Variants in NLGN1 observed in about 807,000 individuals in gnomAD.
NLGN1 encodes the protein neuroligin 1, also known as neuroligin-1.
A neutral mutation model predicts 65.5 loss-of-function variants in NLGN1; 12 were observed. That is an observed-to-expected ratio of 0.18 (90% confidence interval 0.12 to 0.30). NLGN1 has a LOEUF of 0.30. Among genes scored for constraint, NLGN1 ranks in the 10% least tolerant of loss-of-function variants. NLGN1 has a pLI of 1.00. For missense variants in NLGN1, 750 were observed against 1,007.1 expected (o/e 0.74, Z 3.46); for synonymous variants, 350 against 359.5 (o/e 0.97, Z 0.30).
At chr3:173,707,654 A>G (rs1310645003) in intron 3 of NLGN1, among the ~76,000 whole-genome samples, 1 of 152,170 alleles carries the variant, frequency 6.6e-6, no homozygotes, top group African/African-American at 2.4e-5. Context: ...AAATTTTGTG[A>G]CCATATGCAT....
At chr3:173,530,708 T>C (rs1406935500) in intron 2 of NLGN1, among the ~76,000 whole-genome samples, 1 of 152,210 alleles carries the variant, frequency 6.6e-6, no homozygotes, top group African/African-American at 2.4e-5. Flanking sequence ...TTCACCTTTC[T>C]ACTAAAAAAT....
chr3:174,267,028 A>G (rs1276376937), intron 4 of NLGN1, among the ~76,000 whole-genome samples: 2 of 152,150 alleles, frequency 1.3e-5, no homozygotes, highest in African/African-American at 2.4e-5. Context: ...TCTTCTAATA[A>G]TGATAATTTT....
chr3:174,193,235 A>C (rs944076783), intron 4 of NLGN1, among the ~76,000 whole-genome samples: 10 of 152,182 alleles, frequency 6.6e-5, no homozygotes, highest in African/African-American at 2.4e-4. Context: ...ATTGCTTACT[A>C]TTGAGCAGGA....
At chr3:173,869,728 C>T (rs1015075424) in intron 4 of NLGN1, among the ~76,000 whole-genome samples, 1 of 152,084 alleles carries the variant, frequency 6.6e-6, no homozygotes, top group Non-Finnish European at 1.5e-5. Context: ...GAAAGTATTT[C>T]CTTCAACTTC....
intron 3 of NLGN1, among the ~76,000 whole-genome samples, chr3:173,668,358 A>G (rs1189921988): frequency 6.6e-6 from 1 of 152,180 alleles, no homozygotes; most frequent in Admixed American, 6.5e-5. Context: ...AAAGACTCAC[A>G]AACCAAAATG....
intron 2 of NLGN1, among the ~76,000 whole-genome samples, chr3:173,527,423 A>C (rs191549668): frequency 6.6e-6 from 1 of 151,886 alleles, no homozygotes; most frequent in Non-Finnish European, 1.5e-5. Context: ...TTTGAGACGG[A>C]GTCTCGCTCT....
At chr3:174,032,414 A>G (rs190018529) in intron 4 of NLGN1, among the ~76,000 whole-genome samples, 2 of 152,302 alleles carry the variant, frequency 1.3e-5, no homozygotes, top group East Asian at 1.9e-4. Flanking sequence ...AGGTGGTATC[A>G]ATGCATAGAT....
At chr3:174,171,380 A>T (rs1728495110) in intron 4 of NLGN1, among the ~76,000 whole-genome samples, 1 of 152,126 alleles carries the variant, frequency 6.6e-6, no homozygotes, top group Admixed American at 6.6e-5. Context: ...AAAGCCTGTT[A>T]TTTCTATTAT....
intron 4 of NLGN1, among the ~76,000 whole-genome samples, chr3:173,825,270 A>G (rs1297149280): frequency 6.6e-6 from 1 of 152,058 alleles, no homozygotes; most frequent in Non-Finnish European, 1.5e-5. Context: ...GAGCATGATT[A>G]ATTTTCATTT....
intron 4 of NLGN1, among the ~76,000 whole-genome samples, chr3:174,244,871 CTT>C (rs1743512266): frequency 1.3e-5 from 2 of 152,162 alleles, no homozygotes; most frequent in Non-Finnish European, 2.9e-5. Flanking sequence ...ACTTTGCACT[CTT>C]ATTATTCCTT....
intron 4 of NLGN1, among the ~76,000 whole-genome samples, chr3:174,147,281 G>GTC (rs1723456619): frequency 1.3e-5 from 2 of 152,114 alleles, no homozygotes; most frequent in Admixed American, 1.3e-4. Flanking sequence ...GCTACCTGGA[G>GTC]TCAGAGCGCA....
chr3:173,751,818 G>C (rs1006928896), intron 3 of NLGN1, among the ~76,000 whole-genome samples: 1 of 152,062 alleles, frequency 6.6e-6, no homozygotes, highest in Admixed American at 6.6e-5. Flanking sequence ...ATTATCTTAT[G>C]CTATTCCCAC....
At chr3:173,536,310 A>G (rs1000079071) in intron 2 of NLGN1, among the ~76,000 whole-genome samples, 7 of 152,120 alleles carry the variant, frequency 4.6e-5, no homozygotes, top group African/African-American at 1.7e-4. Flanking sequence ...ATGAGGATTT[A>G]ATTCTATTTT....
At chr3:173,606,464 T>C (rs1751426190) in intron 3 of NLGN1, among the ~76,000 whole-genome samples, 1 of 152,078 alleles carries the variant, frequency 6.6e-6, no homozygotes, top group Non-Finnish European at 1.5e-5. Flanking sequence ...TTCATAACTT[T>C]GTAGAATTTC....
At chr3:173,500,205 T>G (rs1730820356) in intron 2 of NLGN1, among the ~76,000 whole-genome samples, 1 of 152,166 alleles carries the variant, frequency 6.6e-6, no homozygotes, top group Non-Finnish European at 1.5e-5. Flanking sequence ...AGATAGCTCT[T>G]ATTATTTTGA....
intron 3 of NLGN1, among the ~76,000 whole-genome samples, chr3:173,711,400 A>C (rs950225543): frequency 6.6e-6 from 1 of 152,220 alleles, no homozygotes; most frequent in African/African-American, 2.4e-5. Flanking sequence ...GAAGTCACCA[A>C]TGAAACACAG....
chr3:173,738,008 G>A (rs914925901), intron 3 of NLGN1, among the ~76,000 whole-genome samples: 3 of 151,968 alleles, frequency 2.0e-5, no homozygotes, highest in African/African-American at 7.2e-5. Context: ...GGCTAATGAT[G>A]TTGAGAATCT....
At chr3:174,182,811 C>G (rs1402592520) in intron 4 of NLGN1, among the ~76,000 whole-genome samples, 1 of 152,144 alleles carries the variant, frequency 6.6e-6, no homozygotes, top group East Asian at 1.9e-4. Flanking sequence ...ACTCACTTCT[C>G]ATCTTCTCTC....
chr3:174,246,155 G>T (rs1743744358), intron 4 of NLGN1, among the ~76,000 whole-genome samples: 1 of 152,176 alleles, frequency 6.6e-6, no homozygotes, highest in Admixed American at 6.5e-5. Context: ...CTGGATACTT[G>T]CTGAGGCTAG....
Sources: gnomAD v4.1 joint callset for allele counts (sites outside exome capture counted in the v4.1 genomes callset) on GRCh38, gnomAD v4.1.1 for gene constraint, MANE v1.5 for transcripts, NCBI Gene and HGNC (gene_info 2026-07-23, HGNC 2026-07-21) for gene names.